The following AGAP1 variants were observed in gnomAD, a reference collection of about 807,000 sequenced individuals.
The protein encoded by AGAP1 is ArfGAP with GTPase domain, ankyrin repeat and PH domain 1, also known as arf-GAP with GTPase, ANK repeat and PH domain-containing protein 1.
A neutral mutation model predicts 105.3 loss-of-function variants in AGAP1; 29 were observed. The ratio of observed to expected loss-of-function variants is 0.28; its 90% CI spans 0.21 to 0.38. AGAP1 has a LOEUF of 0.38. AGAP1 is among the 10% of genes least tolerant of loss of function. The probability of loss-of-function intolerance (pLI) is 1.00; values close to 1 mark genes in which losing one functional copy is unlikely to be tolerated. For synonymous variants in AGAP1, 509 were observed against 485.9 expected (o/e 1.05, Z -0.63); for missense variants, 998 against 1,165.1 (o/e 0.86, Z 2.09).
In AGAP1 at chr2:235,799,934, G is replaced by A. The variant is rs1012019421; in HGVS notation, c.957+412G>A. 1.3e-5 allele frequency among the ~76,000 whole-genome samples: 2 copies of A among 151,900 alleles called. No individual in the cohort carries two copies. The highest frequency in any genetic ancestry group is 1.9e-4 in the East Asian group (1 of 5,144). On this transcript the variant is annotated intron_variant, in intron 8 of 17. Coordinates refer to ENST00000304032, the MANE Select transcript of AGAP1 (RefSeq NM_001037131.3). This position sits in a 1 kb window ranked among gnomAD's most constrained non-coding sequence, Gnocchi z 5.0. ...TTCTTCTTCTGCTGGGGTGCCTGGCGCTGCCCTCGGGGTGGAGGTGGGGGA... is the reference window on the plus strand; with the variant it reads ...TTCTTCTTCTGCTGGGGTGCCTGGCACTGCCCTCGGGGTGGAGGTGGGGGA...
chr2:235,530,545 C>T (rs1259503805), intron 1 of AGAP1, among the ~76,000 whole-genome samples: 6 of 152,110 alleles, frequency 3.9e-5, no homozygotes, highest in Non-Finnish European at 8.8e-5. Context: ...TTGCTTTTTC[C>T]AGCTTCTAGA....
intron 1 of AGAP1, among the ~76,000 whole-genome samples, chr2:235,499,679 T>C (rs1276583931): frequency 6.6e-6 from 1 of 152,210 alleles, no homozygotes; most frequent in Non-Finnish European, 1.5e-5. Context: ...TTGCTCACCC[T>C]GCGAGGCTCG....
chr2:235,923,393 A>G (rs910227117), intron 11 of AGAP1, among the ~76,000 whole-genome samples: 2 of 152,176 alleles, frequency 1.3e-5, no homozygotes, highest in Admixed American at 6.5e-5. Flanking sequence ...TGTTACTGGT[A>G]CAACATACAC....
At chr2:235,511,239 C>T (rs116286271) in intron 1 of AGAP1, among the ~76,000 whole-genome samples, 1,917 of 151,532 alleles carry the variant, frequency 0.013, 31 homozygotes, top group African/African-American at 0.044. Flanking sequence ...GCCTCTGATC[C>T]ACACTCACCA....
At chr2:235,955,998 A>C (rs1397896606) in intron 12 of AGAP1, among the ~76,000 whole-genome samples, 1 of 152,192 alleles carries the variant, frequency 6.6e-6, no homozygotes, top group Non-Finnish European at 1.5e-5. Context: ...TAAAGATGAG[A>C]AATGTATGTG....
At chr2:235,943,745 A>G (rs1333295210) in intron 12 of AGAP1, among the ~76,000 whole-genome samples, 1 of 152,152 alleles carries the variant, frequency 6.6e-6, no homozygotes, top group Non-Finnish European at 1.5e-5. Context: ...TTGTTACAAG[A>G]TGGTTATAAC....
intron 6 of AGAP1, among the ~76,000 whole-genome samples, chr2:235,770,968 G>T (rs562910266): frequency 6.6e-6 from 1 of 152,208 alleles, no homozygotes; most frequent in East Asian, 1.9e-4. Context: ...GAAAGCAATT[G>T]CATGTATCCT....
At chr2:235,932,288 G>T (rs2052762467) in intron 12 of AGAP1, among the ~76,000 whole-genome samples, 1 of 152,082 alleles carries the variant, frequency 6.6e-6, no homozygotes, top group African/African-American at 2.4e-5. Flanking sequence ...TCTGTTCAAT[G>T]GACACGTTCT....
chr2:235,933,536 A>ATTT (rs71036300), intron 12 of AGAP1, among the ~76,000 whole-genome samples: 41,137 of 141,802 alleles, frequency 0.29, 6,698 homozygotes, highest in South Asian at 0.38. Context: ...TTTTCTAAGG[A>ATTT]TTTTTTTTTT....
intron 9 of AGAP1, chr2:235,853,319 T>C: frequency 1.4e-6 from 1 of 694,492 alleles, no homozygotes; most frequent in Non-Finnish European, 1.8e-6. Flanking sequence ...GAGTGAGGAA[T>C]TGTTTTAGGA....
Position 236,049,141 on chromosome 2 carries a change from T to C in AGAP1, c.1974T>C (p.Leu658=). 1 of 1,614,234 alleles carries C rather than the reference T, an allele frequency of 6.2e-7. No individual in the cohort carries two copies. Among genetic ancestry groups the C allele is most frequent in the Non-Finnish European group, 8.5e-7 (1 of 1,180,036 alleles). The part of the protein sequence containing the change: ...SGIHRNLGTH[L]SRVRSLDLDD... ...TCCACCGGAATCTTGGCACCCACCT[T>C]TCCCGAGTCCGATCTCTGGACCTGG... The change falls in exon 16 of 18, where the codon CTT becomes CTC. Residue 658 remains leucine (L), a synonymous_variant. Coordinates refer to ENST00000304032, the MANE Select transcript of AGAP1 (RefSeq NM_001037131.3).
In AGAP1 at chr2:235,509,129, G is replaced by C. The variant is rs116425787; in HGVS notation, c.163+14280G>C. On this transcript the variant is annotated intron_variant, in intron 1 of 17. Transcript: ENST00000304032. The stretch of plus-strand genomic sequence containing the variant: ...CATGTGATGTGAACGATTACTTATA[G>C]TTACCGTGAAAATTAATGGTGGGTT... 4.3e-3 allele frequency among the ~76,000 whole-genome samples: 652 copies of C among 152,318 alleles called. 3 individuals are homozygous for C. The highest frequency in any genetic ancestry group is 4.6e-3 in the Non-Finnish European group (314 of 68,032).
chr2:236,110,216 C>T (rs1459310653), intron 16 of AGAP1, among the ~76,000 whole-genome samples: 1 of 152,174 alleles, frequency 6.6e-6, no homozygotes, highest in East Asian at 1.9e-4. Flanking sequence ...TCAGCCTGGG[C>T]TGGGTGCAGT....
In AGAP1 at chr2:235,767,016, C is replaced by A. The variant is rs577518688; in HGVS notation, c.673+16528C>A. Among the ~76,000 whole-genome samples the A allele has an allele frequency of 6.8e-4, 102 of 150,318 alleles. 1 individual carries two copies. Among genetic ancestry groups the A allele is most frequent in the African/African-American group, 2.4e-3 (100 of 40,992 alleles). On this transcript the variant is annotated intron_variant, in intron 6 of 17. Transcript: ENST00000304032. Reference sequence around the variant, plus strand: ...GCAACCTCTGCCTTCCAGATTCAAGCAATTCTCCTGATTCAGCCTCCCAAG... The same window carrying A: ...GCAACCTCTGCCTTCCAGATTCAAGAAATTCTCCTGATTCAGCCTCCCAAG...
intron 5 of AGAP1, among the ~76,000 whole-genome samples, chr2:235,746,117 T>C (rs541616058): frequency 2.0e-5 from 3 of 151,192 alleles, no homozygotes; most frequent in Admixed American, 2.0e-4. Context: ...CAGAGTGAGA[T>C]TCTGTCTCAA....
At chr2:235,680,329 G>A (rs997950217) in intron 1 of AGAP1, among the ~76,000 whole-genome samples, 1 of 152,190 alleles carries the variant, frequency 6.6e-6, no homozygotes, top group African/African-American at 2.4e-5. Flanking sequence ...TTGGGCCTGA[G>A]CCCTTGTAGG....
Position 235,577,848 on chromosome 2 carries a change from GC to G in AGAP1, c.163+83000del. 2.6e-5 allele frequency among the ~76,000 whole-genome samples: 4 copies of G among 152,002 alleles called. No homozygotes were observed. Among genetic ancestry groups the G allele is most frequent in the African/African-American group, 9.7e-5 (4 of 41,378 alleles). On this transcript the variant is annotated intron_variant, in intron 1 of 17. Transcript: ENST00000304032. The surrounding 1 kb of genome is among the most constrained non-coding windows in gnomAD (Gnocchi z 4.5). Reference sequence around the variant, plus strand: ...CTGCACAAAAGGCCCATGTCTGCTCGCTGGGACCTGATAGTTCGCCTTTGTA... The same window carrying G: ...CTGCACAAAAGGCCCATGTCTGCTCGTGGGACCTGATAGTTCGCCTTTGTA...
Position 236,090,378 on chromosome 2 carries a change from C to G in AGAP1, c.2115-29814C>G, listed in dbSNP as rs1397571020. Among the ~76,000 whole-genome samples, 1 of 152,208 alleles carries G rather than the reference C, an allele frequency of 6.6e-6. No individual in the cohort carries two copies. The highest frequency in any genetic ancestry group is 1.9e-4 in the East Asian group (1 of 5,200). ...TTACTTCTCTCTGGTTTTTGAGACG[C>G]ACACTCAAGAGTCACAAATTAGAAA... On this transcript the variant is annotated intron_variant, in intron 16 of 17. Coordinates refer to ENST00000304032, the MANE Select transcript of AGAP1 (RefSeq NM_001037131.3). This position sits in a 1 kb window ranked among gnomAD's most constrained non-coding sequence, Gnocchi z 4.3.
intron 1 of AGAP1, among the ~76,000 whole-genome samples, chr2:235,703,586 T>G (rs1246807954): frequency 1.6e-4 from 2 of 12,228 alleles, no homozygotes; most frequent in South Asian, 2.3e-3. Flanking sequence ...TTCCCTCCCC[T>G]CCCCCGCCCA....
Sources: allele counts gnomAD v4.1 joint callset (sites outside exome capture counted in the v4.1 genomes callset), GRCh38; gene constraint gnomAD v4.1.1; non-coding constraint Gnocchi (gnomAD v3.1); transcripts MANE v1.5; gene names NCBI Gene and HGNC (gene_info 2026-07-23, HGNC 2026-07-21).